CCDC191: variants seen among roughly 807,000 people sequenced by gnomAD.
CCDC191 encodes coiled-coil domain-containing protein 191.
A neutral mutation model predicts 114.0 loss-of-function variants in CCDC191; 99 were observed. The observed-to-expected ratio is 0.87, with a 90% confidence interval of 0.74 to 1.03. CCDC191 has a LOEUF of 1.03. CCDC191 is among the 50% of genes least tolerant of loss of function. The pLI, the probability that CCDC191 is intolerant of heterozygous loss-of-function variation, is 0.00. For missense variants in CCDC191, 973 were observed against 1,087.0 expected, an observed-to-expected ratio of 0.90 and a Z score of 1.47; for synonymous variants, 351 against 376.0, an observed-to-expected ratio of 0.93 and a Z score of 0.77.
rs2076555196 is a variant in CCDC191 at position 114,041,236 on chromosome 3, G to A, written c.415+1467C>T. ...TAATGACATTAATAAACTAGAAAAT[G>A]TCCAGAAGGCAGCAACGAGGATGAT... On this transcript the variant is annotated intron_variant, in intron 4 of 16. Transcript: ENST00000295878. Among the ~76,000 whole-genome samples, 5 of 152,186 alleles carry A rather than the reference G, an allele frequency of 3.3e-5. No homozygotes were observed. The South Asian group carries it at 1.0e-3, about 32-fold the overall frequency.
chr3:113,978,185 C>T lies in CCDC191; in HGVS notation c.2606+1G>A. 6.2e-7 allele frequency: 1 copy of T among 1,613,934 alleles called. No homozygotes were observed. The highest frequency in any genetic ancestry group is 8.5e-7 in the Non-Finnish European group (1 of 1,179,896). On this transcript the variant is annotated splice_donor_variant, in intron 16 of 16. Transcript: ENST00000295878. LOFTEE classifies it high-confidence loss of function. ...AATTTTCCTCACTATCAAAACCTCACCTGTCACTGTGCTCCGCTGCAATCT... is the reference window on the plus strand; with the variant it reads ...AATTTTCCTCACTATCAAAACCTCATCTGTCACTGTGCTCCGCTGCAATCT...
At chr3:113,993,765 G>T (rs146686729) in intron 13 of CCDC191, among the ~76,000 whole-genome samples, 1,599 of 152,114 alleles carry the variant, frequency 0.011, 16 homozygotes, top group African/African-American at 0.035. Context: ...TGTGCCTGTA[G>T]TCTCAGCTAC....
At chr3:114,012,397 T>C (rs925350385) in intron 8 of CCDC191, among the ~76,000 whole-genome samples, 2 of 152,220 alleles carry the variant, frequency 1.3e-5, no homozygotes, top group African/African-American at 4.8e-5. Context: ...AGGTACTCAA[T>C]AAATATTTAG....
chr3:114,056,420 C>G lies in CCDC191; in HGVS notation c.47G>C (p.Gly16Ala), dbSNP rs1159979671. 1.2e-6 allele frequency: 2 copies of G among 1,614,016 alleles called. No homozygotes were observed. The highest frequency in any genetic ancestry group is 2.2e-5 in the East Asian group (1 of 44,886). The change falls in exon 1 of 17, where the codon GGG (glycine) becomes GCG (alanine). Residue 16 changes from glycine to alanine, a missense_variant. Physicochemically the swap from Gly to Ala is moderately conservative, Grantham distance 60. Transcript: ENST00000295878. ...TGTGAACCGTTTCCAGCGATTCAGC[C>G]CCATCCTTTTCTTTGAGAAGGACCT... ...QGRSFSKKRM[G>A]LNRWKRFTRK... is the part of the protein sequence containing the mutation.
intron 9 of CCDC191, among the ~76,000 whole-genome samples, chr3:114,010,550 CG>C (rs2076051182): frequency 6.6e-6 from 1 of 152,082 alleles, no homozygotes; most frequent in Admixed American, 6.5e-5. Flanking sequence ...AATGCCCTTT[CG>C]ATATTAAATC....
intron 9 of CCDC191, among the ~76,000 whole-genome samples, chr3:114,007,431 T>TA (rs1231868550): frequency 6.6e-6 from 1 of 152,236 alleles, no homozygotes; most frequent in Non-Finnish European, 1.5e-5. Flanking sequence ...TCTGACATGT[T>TA]AAACACTTTT....
rs67683263 is a variant in CCDC191, at chr3:114,006,613, T to A, written c.1414-651A>T. Among the ~76,000 whole-genome samples the A allele has an allele frequency of 1.7e-3, 158 of 91,172 alleles. 2 individuals are homozygous for A. Among genetic ancestry groups the A allele is most frequent in the South Asian group, 0.011 (26 of 2,454 alleles). 59.8% of individuals were successfully genotyped at this position (91,172 alleles called of 152,430 possible). On this transcript the variant is annotated intron_variant, in intron 9 of 16. Coordinates refer to ENST00000295878, the MANE Select transcript of CCDC191 (RefSeq NM_020817.2). ...ATATATATATATATATATATATATA[T>A]ATATAAATATATATATTTTATATAT...
intron 14 of CCDC191, among the ~76,000 whole-genome samples, chr3:113,980,347 G>A (rs1559877879): frequency 6.6e-6 from 1 of 152,174 alleles, no homozygotes; most frequent in South Asian, 2.1e-4. Flanking sequence ...CCTGACTAAT[G>A]TACCTTATGG....
intron 4 of CCDC191, among the ~76,000 whole-genome samples, chr3:114,041,889 G>A (rs1291893326): frequency 1.3e-5 from 2 of 151,852 alleles, no homozygotes; most frequent in South Asian, 4.2e-4. Context: ...CACAGTAGTG[G>A]TTTTTCTCTC....
intron 1 of CCDC191, 56 bp from the exon 2 acceptor site, chr3:114,053,691 C>A: frequency 8.3e-7 from 1 of 1,209,880 alleles, no homozygotes; most frequent in South Asian, 1.4e-5. Context: ...TCAACTTTGC[C>A]ATTTAAATCT....
Position 114,056,519 on chromosome 3 carries a change from C to T in CCDC191, c.-53G>A, listed in dbSNP as rs1323561959. On this transcript the variant is annotated 5_prime_UTR_variant, in exon 1 of 17. Transcript: ENST00000295878. Reference sequence around the variant, plus strand: ...CAAAGCTGCAGCAACCGCCCTTCTGCCCGGGCTGCCTCCGGGTCACGCTGG... The same window carrying T: ...CAAAGCTGCAGCAACCGCCCTTCTGTCCGGGCTGCCTCCGGGTCACGCTGG... 4 of 1,612,886 alleles carry T rather than the reference C, an allele frequency of 2.5e-6. No homozygotes were observed. The highest frequency in any genetic ancestry group is 2.2e-5 in the South Asian group (2 of 91,084).
intron 13 of CCDC191, among the ~76,000 whole-genome samples, chr3:113,983,579 C>T (rs1388302604): frequency 6.6e-6 from 1 of 152,184 alleles, no homozygotes; most frequent in Non-Finnish European, 1.5e-5. Flanking sequence ...CTATACCACT[C>T]TCTCCCTACT....
intron 9 of CCDC191, among the ~76,000 whole-genome samples, chr3:114,008,176 G>T (rs1427998409): frequency 1.4e-5 from 2 of 145,030 alleles, no homozygotes; most frequent in Non-Finnish European, 3.0e-5. Flanking sequence ...ACTTTCTGCT[G>T]ACTTTTTTTT....
intron 1 of CCDC191, 68 bp from the exon 2 acceptor site, chr3:114,053,703 T>C: frequency 9.8e-7 from 1 of 1,025,480 alleles, no homozygotes; most frequent in Non-Finnish European, 1.5e-6. Flanking sequence ...TTTAAATCTA[T>C]CCTTCTGACT....
chr3:114,042,979 A>G (rs2076583243), intron 3 of CCDC191, 133 bp from the exon 4 acceptor site: 1 of 769,030 alleles, frequency 1.3e-6, no homozygotes, highest in African/African-American at 1.9e-5. Context: ...CTGGAATACA[A>G]CAGTGAACAA....
intron 7 of CCDC191, among the ~76,000 whole-genome samples, chr3:114,025,254 C>T (rs2632259): frequency 0.24 from 35,263 of 144,472 alleles, 4,649 homozygotes; most frequent in Middle Eastern, 0.38. Flanking sequence ...CTCATTTCAA[C>T]TTACCAAAAA....
chr3:114,005,959 T>C lies in CCDC191; in HGVS notation c.1417A>G (p.Thr473Ala), dbSNP rs1432245024. ...VGPPVKNGQE[T>A]AVPPLWEKPP... ...TTTTCCCACAAAGGGGGCACAGCAGTCTCCTGAGAGAGAGAAACATGTTAT... is the reference window on the plus strand; with the variant it reads ...TTTTCCCACAAAGGGGGCACAGCAGCCTCCTGAGAGAGAGAAACATGTTAT... Residue 473 changes from threonine to alanine, a missense_variant, in exon 10 of 17, where the codon ACT (threonine) becomes GCT (alanine). By Grantham distance (58) the Thr-to-Ala change is moderately conservative. Transcript: ENST00000295878. 14 of 1,613,086 alleles carry C rather than the reference T, an allele frequency of 8.7e-6. No homozygotes were observed. The highest frequency in any genetic ancestry group is 1.2e-5 in the Non-Finnish European group (14 of 1,179,296).
intron 3 of CCDC191, among the ~76,000 whole-genome samples, chr3:114,043,169 AAGAT>A (rs990731446): frequency 2.0e-5 from 3 of 152,348 alleles, no homozygotes; most frequent in Non-Finnish European, 2.9e-5. Flanking sequence ...GAAGGGAAGA[AAGAT>A]AGAGAAGTGA....
intron 1 of CCDC191, among the ~76,000 whole-genome samples, chr3:114,055,587 G>T (rs866259731): frequency 1.3e-5 from 2 of 152,110 alleles, no homozygotes; most frequent in African/African-American, 4.8e-5. Flanking sequence ...ATAACTTAAG[G>T]GTGAAAACAG....
Sources: gnomAD v4.1 joint callset for allele counts (sites outside exome capture counted in the v4.1 genomes callset) on GRCh38, gnomAD v4.1.1 for gene constraint, MANE v1.5 for transcripts, NCBI Gene and HGNC (gene_info 2026-07-23, HGNC 2026-07-21) for gene names.